LDB3: variants seen among roughly 807,000 people sequenced by gnomAD.
LDB3 encodes LIM domain-binding protein 3.
LDB3 carries 49 observed loss-of-function variants against 69.0 expected under a neutral mutation model. That is an observed-to-expected ratio of 0.71 (90% confidence interval 0.56 to 0.90). The LOEUF (loss-of-function observed/expected upper bound fraction) is 0.90, where lower values mean the gene tolerates loss of function less well. Ranked by LOEUF, LDB3 falls within the 40% of genes least tolerant of loss-of-function variation. The pLI, the probability that LDB3 is intolerant of heterozygous loss-of-function variation, is 0.00. For synonymous variants in LDB3, 387 were observed against 396.2 expected, an observed-to-expected ratio of 0.98 and a Z score of 0.28; for missense variants, 928 against 974.1, an observed-to-expected ratio of 0.95 and a Z score of 0.63.
intron 3 of LDB3, 38 bp downstream of exon 3, chr10:86,679,556 G>A (rs1283853176): frequency 6.2e-7 from 1 of 1,611,182 alleles, no homozygotes; most frequent in Non-Finnish European, 8.5e-7. Flanking sequence ...GCGGAGGTTT[G>A]GGTGTGGGCA....
Position 86,669,178 on chromosome 10 carries a change from G to A in LDB3, c.93+394G>A, listed in dbSNP as rs565146491. Among the ~76,000 whole-genome samples the A allele has an allele frequency of 3.9e-5, 6 of 152,324 alleles. No homozygotes were observed. The East Asian group carries it at 1.2e-3, about 29-fold the overall frequency. On this transcript the variant is annotated intron_variant, in intron 2 of 13. Coordinates refer to ENST00000361373, the MANE Select transcript of LDB3 (RefSeq NM_007078.3). The stretch of plus-strand genomic sequence containing the variant: ...TATGGGCAGCTGCTTTGGGAAGGGA[G>A]TATTCCCAGCATGGAGAGGGCAGGT...
rs1371230463 is a variant in LDB3 at position 86,699,557 on chromosome 10, G to GC, written c.897-6969dup. On this transcript the variant is annotated intron_variant, in intron 7 of 13. Transcript: ENST00000361373. This position sits in a 1 kb window ranked among gnomAD's most constrained non-coding sequence, Gnocchi z 4.9. ...ACCCCAGAGCTGATGCTGGGGCCCAGCCCCCTGCAGCTCTGTACCCACCAA... is the reference window on the plus strand; with the variant it reads ...ACCCCAGAGCTGATGCTGGGGCCCAGCCCCCCTGCAGCTCTGTACCCACCAA... 4.0e-5 allele frequency: 59 copies of GC among 1,464,450 alleles called. 2 individuals are homozygous for GC. In the Admixed American group the frequency reaches 1.1e-3, roughly 28 times the overall value. The allele number at this position is 1,464,450 out of a possible 1,614,324, so 90.7% of individuals were successfully genotyped here.
At chr10:86,673,377 G>A (rs757288644) in intron 2 of LDB3, among the ~76,000 whole-genome samples, 1 of 152,232 alleles carries the variant, frequency 6.6e-6, no homozygotes, top group Non-Finnish European at 1.5e-5. Context: ...TGTGTGAGCA[G>A]GTGGGAGGCA....
At chr10:86,726,432 A>G (rs1014778449) in intron 13 of LDB3, 180 bp downstream of exon 13, 1 of 644,928 alleles carries the variant, frequency 1.6e-6, no homozygotes, top group African/African-American at 1.8e-5. Context: ...TTTCATTCCT[A>G]ATAATTATTT....
chr10:86,689,723 A>G (rs1845671155), intron 5 of LDB3, among the ~76,000 whole-genome samples: 1 of 152,204 alleles, frequency 6.6e-6, no homozygotes. Context: ...TATCTGCAGG[A>G]GCCAGTGCCT....
chr10:86,689,261 G>A (rs1845647671), intron 5 of LDB3, among the ~76,000 whole-genome samples: 1 of 152,060 alleles, frequency 6.6e-6, no homozygotes, highest in African/African-American at 2.4e-5. Flanking sequence ...GCTTGGCAGG[G>A]CGTCACCGCT....
At chr10:86,725,601 A>G (rs1564662436) in intron 12 of LDB3, among the ~76,000 whole-genome samples, 2 of 152,222 alleles carry the variant, frequency 1.3e-5, no homozygotes, top group Non-Finnish European at 2.9e-5. Context: ...TAATAGCATT[A>G]TCTCCTTGGT....
At chr10:86,723,345 G>C (rs1421483916) in intron 12 of LDB3, among the ~76,000 whole-genome samples, 1 of 151,052 alleles carries the variant, frequency 6.6e-6, no homozygotes, top group Non-Finnish European at 1.5e-5. Flanking sequence ...AGGAGGGAAG[G>C]CCAGGGAAAG....
chr10:86,685,011 C>T (rs1845384084), intron 5 of LDB3, among the ~76,000 whole-genome samples: 2 of 152,344 alleles, frequency 1.3e-5, no homozygotes, highest in Admixed American at 6.5e-5. Flanking sequence ...CTCGCTCCTC[C>T]ATCCTGCCTC....
chr10:86,671,716 G>A (rs1418925826), intron 2 of LDB3, among the ~76,000 whole-genome samples: 11 of 152,192 alleles, frequency 7.2e-5, no homozygotes, highest in South Asian at 4.1e-4. Flanking sequence ...TCATGCCTCC[G>A]CCTTGGGGAA....
intron 12 of LDB3, among the ~76,000 whole-genome samples, chr10:86,721,140 G>A (rs1847070288): frequency 6.6e-6 from 1 of 152,164 alleles, no homozygotes; most frequent in Non-Finnish European, 1.5e-5. Context: ...ATTTTGTAAG[G>A]AACCTCATAC....
intron 10 of LDB3, among the ~76,000 whole-genome samples, chr10:86,717,249 A>G (rs911273589): frequency 6.6e-6 from 1 of 152,188 alleles, no homozygotes; most frequent in African/African-American, 2.4e-5. Context: ...GCCATGGACC[A>G]TGGGTGCTGT....
At position 86,719,045 on chromosome 10, in the gene LDB3, A is replaced by G. The variant is rs117918530; in HGVS notation, c.1978+198A>G. ...AGGAAGTTAACTATCTCCCCTGCCC[A>G]TATGGTTGCAGCTTTGGGGAGAGTG... On this transcript the variant is annotated intron_variant, in intron 12 of 13. Transcript: ENST00000361373. Among the ~76,000 whole-genome samples the G allele has an allele frequency of 0.024, 3,639 of 152,314 alleles. 65 individuals are homozygous for G. Among genetic ancestry groups the G allele is most frequent in the Non-Finnish European group, 0.037 (2,529 of 68,026 alleles).
At chr10:86,730,429 GCATATTGC>G (rs67398848) in intron 13 of LDB3, among the ~76,000 whole-genome samples, 35,127 of 151,864 alleles carry the variant, frequency 0.23, 4,750 homozygotes, top group East Asian at 0.57. Context: ...TGACCTACTG[GCATATTGC>G]CAACCCAGGG....
At chr10:86,667,167 G>T (rs1844215882), upstream of LDB3, among the ~76,000 whole-genome samples, 1 of 152,010 alleles carries the variant, frequency 6.6e-6, no homozygotes, top group South Asian at 2.1e-4. Context: ...TGTGACTTTG[G>T]GCAAGTGACA....
chr10:86,705,561 G>A (rs923589485), intron 7 of LDB3, among the ~76,000 whole-genome samples: 18 of 152,218 alleles, frequency 1.2e-4, no homozygotes, highest in Admixed American at 1.0e-3. Flanking sequence ...TGGTTCTAGG[G>A]AAGAGGTGCT....
At chr10:86,701,022 C>T (rs768667025) in intron 7 of LDB3, among the ~76,000 whole-genome samples, 7 of 152,234 alleles carry the variant, frequency 4.6e-5, no homozygotes, top group Admixed American at 2.6e-4. Context: ...CAGGAACCTT[C>T]GCAATCCCAC....
intron 7 of LDB3, among the ~76,000 whole-genome samples, chr10:86,693,286 G>A (rs1845855590): frequency 6.6e-6 from 1 of 152,168 alleles, no homozygotes; most frequent in African/African-American, 2.4e-5. Context: ...GGCCTTCCAT[G>A]GTAAGGAGTA....
At chr10:86,709,501 G>A (rs1846559012) in intron 8 of LDB3, among the ~76,000 whole-genome samples, 1 of 152,188 alleles carries the variant, frequency 6.6e-6, no homozygotes, top group Non-Finnish European at 1.5e-5. Context: ...CAATAGAAAA[G>A]GGTAGGCAGA....
Sources: allele counts gnomAD v4.1 joint callset (sites outside exome capture counted in the v4.1 genomes callset), GRCh38; gene constraint gnomAD v4.1.1; non-coding constraint Gnocchi (gnomAD v3.1); transcripts MANE v1.5; gene names NCBI Gene and HGNC (gene_info 2026-07-23, HGNC 2026-07-21).